The following CDC42EP4 variants were observed in gnomAD, a reference collection of about 807,000 sequenced individuals.
The protein encoded by CDC42EP4 is CDC42 effector protein 4.
CDC42EP4 carries 6 observed loss-of-function variants against 5.6 expected under a neutral mutation model. The observed-to-expected ratio is 1.07, with a 90% CI of 0.59 to 2.12. The LOEUF is 2.12. Among genes scored for constraint, CDC42EP4 ranks in the 30% most tolerant of loss-of-function variants. The probability of loss-of-function intolerance (pLI) is 0.00; values close to 1 mark genes in which losing one functional copy is unlikely to be tolerated. For synonymous variants in CDC42EP4, 230 were observed against 224.2 expected (o/e 1.03, Z -0.23); for missense variants, 490 against 508.6 (o/e 0.96, Z 0.35).
At chr17:73,292,007 G>A (rs1325580819) in intron 1 of CDC42EP4, among the ~76,000 whole-genome samples, 2 of 152,216 alleles carry the variant, frequency 1.3e-5, no homozygotes, top group African/African-American at 4.8e-5. Flanking sequence ...CAGACCCAGA[G>A]CAGAAGGACA....
intron 1 of CDC42EP4, among the ~76,000 whole-genome samples, chr17:73,296,245 T>G (rs1329189959): frequency 6.9e-6 from 1 of 144,084 alleles, no homozygotes. Flanking sequence ...AAAAAAAAAT[T>G]AAAAAATACA....
chr17:73,285,448 C>A lies in CDC42EP4; in HGVS notation c.1053G>T (p.Glu351Asp). 1 of 1,549,904 alleles carries A rather than the reference C, an allele frequency of 6.5e-7. No individual in the cohort carries two copies. Among genetic ancestry groups the A allele is most frequent in the Admixed American group, 1.9e-5 (1 of 52,898 alleles). Residue 351 changes from glutamate to aspartate, a missense_variant, in exon 2 of 2, where the codon GAG becomes GAT. Glu to Asp is a conservative substitution (Grantham distance 45). Coordinates refer to ENST00000335793, the MANE Select transcript of CDC42EP4 (RefSeq NM_012121.5). The surrounding 1 kb of genome is among the most constrained non-coding windows in gnomAD (Gnocchi z 6.8). Reference sequence around the variant, plus strand: ...GTCCGCCTCACACACGGATTTCATCCTCCTCCTCCTCATCCATGAAGGAGA... The same window carrying A: ...GTCCGCCTCACACACGGATTTCATCATCCTCCTCCTCATCCATGAAGGAGA... ...KEFSFMDEEE[E>D]DEIRV
intron 1 of CDC42EP4, among the ~76,000 whole-genome samples, chr17:73,299,422 T>C (rs2062205974): frequency 8.0e-6 from 1 of 125,120 alleles, no homozygotes; most frequent in Non-Finnish European, 1.6e-5. Flanking sequence ...AGAGCGAGAC[T>C]CCGTCCTAAA....
At position 73,283,904 on chromosome 17, in the gene CDC42EP4, G is replaced by A. The variant is rs1414947159; in HGVS notation, c.*1526C>T. ...CCACAGTCGCCATGGGGACGCCCCT[G>A]GCTGTGGTTGGTTCTGTGTCTCCCC... On this transcript the variant is annotated 3_prime_UTR_variant, in exon 2 of 2. Transcript: ENST00000335793. 6.6e-6 allele frequency: 1 copy of A among 152,294 alleles called. No individual in the cohort carries two copies. The highest frequency in any genetic ancestry group is 2.4e-5 in the African/African-American group (1 of 41,434). The allele number at this position is 152,294 out of a possible 1,614,324, so 9.4% of individuals were successfully genotyped here. A position where few individuals can be genotyped will look rare whatever the true frequency, so the allele number is the denominator to read the frequency against.
chr17:73,309,099 AC>A (rs1332277786), intron 1 of CDC42EP4, among the ~76,000 whole-genome samples: 3 of 142,550 alleles, frequency 2.1e-5, no homozygotes, highest in Admixed American at 7.3e-5. Context: ...TATGCCCAGC[AC>A]TTTGAGAGGC....
At chr17:73,306,416 CTTGAGCCCAGGAGT>C (rs949935606) in intron 1 of CDC42EP4, among the ~76,000 whole-genome samples, 5 of 152,208 alleles carry the variant, frequency 3.3e-5, no homozygotes, top group Admixed American at 1.3e-4. Context: ...GGGAGGATCT[CTTGAGCCCAGGAGT>C]TTGAGGCTGC....
chr17:73,287,665 T>G (rs1185452668), intron 1 of CDC42EP4, among the ~76,000 whole-genome samples: 2 of 152,116 alleles, frequency 1.3e-5, no homozygotes, highest in Non-Finnish European at 2.9e-5. Flanking sequence ...TGCAGGGATT[T>G]AACAAAGTAT....
rs1268464201 is a variant in CDC42EP4, at chr17:73,285,964, G to A, written c.537C>T (p.Leu179=). The A allele has an allele frequency of 4.3e-6, 7 of 1,613,642 alleles. No homozygotes were observed. The highest frequency in any genetic ancestry group is 1.7e-5 in the Admixed American group (1 of 60,024). ...AAGPHSPDPL[L]DEQAFGDLTD... is the part of the protein sequence containing the mutation. Reference sequence around the variant, plus strand: ...TCAGATCCCCAAAGGCCTGCTCATCGAGGAGGGGGTCAGGGGAATGTGGAC... The same window carrying A: ...TCAGATCCCCAAAGGCCTGCTCATCAAGGAGGGGGTCAGGGGAATGTGGAC... The change falls in exon 2 of 2, where the codon CTC becomes CTT. Residue 179 remains leucine (L), a synonymous_variant. Transcript: ENST00000335793. This position sits in a 1 kb window ranked among gnomAD's most constrained non-coding sequence, Gnocchi z 6.8.
intron 1 of CDC42EP4, among the ~76,000 whole-genome samples, chr17:73,295,949 T>G (rs939186051): frequency 2.0e-5 from 3 of 151,204 alleles, no homozygotes; most frequent in Non-Finnish European, 4.4e-5. Context: ...ATGAATATGA[T>G]TCAGTTTCCT....
Position 73,285,874 on chromosome 17 carries a change from G to A in CDC42EP4, c.627C>T (p.Phe209=), listed in dbSNP as rs759187925. The A allele has an allele frequency of 6.2e-6, 10 of 1,614,092 alleles. No individual in the cohort carries two copies. Among genetic ancestry groups the A allele is most frequent in the Non-Finnish European group, 8.5e-6 (10 of 1,180,026 alleles). ...GLKHAESIMS[F]HIDLGPSMLG... ...GCATGGAGGGCCCCAGGTCGATGTG[G>A]AAGGACATGATGGACTCCGCATGCT... is the stretch of plus-strand genomic sequence containing the variant. Residue 209 remains phenylalanine (F), a synonymous_variant, in exon 2 of 2, where the codon TTC becomes TTT. Transcript: ENST00000335793. The surrounding 1 kb of genome is among the most constrained non-coding windows in gnomAD (Gnocchi z 6.8).
At position 73,303,256 on chromosome 17, in the gene CDC42EP4, T is replaced by TCTC. The variant is rs532993006; in HGVS notation, c.-113+8636_-113+8637insGAG. On this transcript the variant is annotated intron_variant, in intron 1 of 1. Transcript: ENST00000335793. ...TACTCGGAAGGCTGAGGCAGGAGAA[T>TCTC]GGCTTGAACCCAGAAAGCAGAGGTT... Among the ~76,000 whole-genome samples, 1,195 of 152,142 alleles carry TCTC rather than the reference T, an allele frequency of 7.9e-3. 17 individuals are homozygous for TCTC. The highest frequency in any genetic ancestry group is 0.027 in the African/African-American group (1,129 of 41,474).
intron 1 of CDC42EP4, among the ~76,000 whole-genome samples, chr17:73,302,296 A>G (rs2145323761): frequency 6.6e-6 from 1 of 152,164 alleles, no homozygotes; most frequent in Admixed American, 6.5e-5. Context: ...TCCATTCCTC[A>G]TTATCTCGTT....
intron 1 of CDC42EP4, among the ~76,000 whole-genome samples, chr17:73,289,715 CAGGAAGGG>C (rs1286046230): frequency 1.9e-5 from 1 of 53,982 alleles, no homozygotes; most frequent in African/African-American, 5.2e-5. Flanking sequence ...CTGAAGAAAA[CAGGAAGGG>C]AGGAAGGGAG....
intron 1 of CDC42EP4, among the ~76,000 whole-genome samples, chr17:73,305,333 G>C (rs1472560368): frequency 6.6e-6 from 1 of 152,224 alleles, no homozygotes; most frequent in Non-Finnish European, 1.5e-5. Context: ...TCCTCCTCTA[G>C]GAGTGGTGCT....
At chr17:73,290,849 C>T (rs766186169) in intron 1 of CDC42EP4, among the ~76,000 whole-genome samples, 24 of 152,266 alleles carry the variant, frequency 1.6e-4, no homozygotes, top group African/African-American at 4.6e-4. Context: ...CGATCTTATA[C>T]GCTCATTAGA....
intron 1 of CDC42EP4, among the ~76,000 whole-genome samples, chr17:73,302,615 CAG>C (rs1195950620): frequency 6.6e-6 from 1 of 152,136 alleles, no homozygotes; most frequent in African/African-American, 2.4e-5. Flanking sequence ...GCTGGGACTA[CAG>C]GTGTGCACCA....
intron 1 of CDC42EP4, among the ~76,000 whole-genome samples, chr17:73,293,724 G>A (rs1204109989): frequency 6.6e-6 from 1 of 152,200 alleles, no homozygotes; most frequent in African/African-American, 2.4e-5. Flanking sequence ...GAAAAATCCA[G>A]TACTTTCTGG....
chr17:73,303,773 C>T (rs2062231438), intron 1 of CDC42EP4, among the ~76,000 whole-genome samples: 1 of 151,952 alleles, frequency 6.6e-6, no homozygotes, highest in Admixed American at 6.6e-5. Context: ...TTGACAGCAT[C>T]ATCCTAGGGC....
intron 1 of CDC42EP4, among the ~76,000 whole-genome samples, chr17:73,292,148 C>T (rs1377922507): frequency 3.3e-5 from 5 of 152,238 alleles, no homozygotes; most frequent in East Asian, 1.9e-4. Context: ...AGCTGCCCTG[C>T]GGTTCACCCC....
Sources: allele counts gnomAD v4.1 joint callset (sites outside exome capture counted in the v4.1 genomes callset), GRCh38; gene constraint gnomAD v4.1.1; non-coding constraint Gnocchi (gnomAD v3.1); transcripts MANE v1.5; gene names NCBI Gene and HGNC (gene_info 2026-07-23, HGNC 2026-07-21).